The following GPATCH2L variants were observed in gnomAD, a reference collection of about 807,000 sequenced individuals.
GPATCH2L encodes the protein G patch domain-containing protein 2-like.
A neutral mutation model predicts 57.4 loss-of-function variants in GPATCH2L; 31 were observed. That is an observed-to-expected ratio of 0.54 (90% CI 0.41 to 0.73). The LOEUF (loss-of-function observed/expected upper bound fraction) is 0.73, where lower values mean the gene tolerates loss of function less well. Ranked by LOEUF, GPATCH2L falls within the 30% of genes least tolerant of loss-of-function variation. The pLI, the probability that GPATCH2L is intolerant of heterozygous loss-of-function variation, is 0.00. For synonymous variants in GPATCH2L, 199 were observed against 210.7 expected, an observed-to-expected ratio of 0.94 and a Z score of 0.48; for missense variants, 481 against 599.9, an observed-to-expected ratio of 0.80 and a Z score of 2.07.
At chr14:76,227,145 G>A (rs2040539464) in intron 1 of GPATCH2L, among the ~76,000 whole-genome samples, 2 of 152,148 alleles carry the variant, frequency 1.3e-5, no homozygotes, top group Admixed American at 1.3e-4. Flanking sequence ...GAGGGCCCAT[G>A]GCATTTTCTT....
chr14:76,163,241 A>C (rs575403963), intron 2 of GPATCH2L, among the ~76,000 whole-genome samples: 2 of 152,234 alleles, frequency 1.3e-5, no homozygotes, highest in Admixed American at 6.5e-5. Flanking sequence ...TGATGTATTC[A>C]CCTTGTGGAG....
intron 1 of GPATCH2L, among the ~76,000 whole-genome samples, chr14:76,222,349 G>A (rs1201317530): frequency 6.6e-6 from 1 of 152,212 alleles, no homozygotes; most frequent in African/African-American, 2.4e-5. Context: ...GCTCGTGCCT[G>A]TAATCCTAGT....
chr14:76,152,557 T>C (rs2038100858), intron 1 of GPATCH2L: 2 of 426,526 alleles, frequency 4.7e-6, no homozygotes, highest in African/African-American at 4.1e-5. Context: ...TTCCTGTGCG[T>C]GACTCAGCCT....
chr14:76,180,457 A>T (rs542148560), intron 7 of GPATCH2L, among the ~76,000 whole-genome samples: 4 of 152,246 alleles, frequency 2.6e-5, no homozygotes, highest in African/African-American at 9.6e-5. Flanking sequence ...ATCAGCAGGC[A>T]CAAGTTCCTG....
rs573415508 is a variant in GPATCH2L, at chr14:76,168,027, C to G, written c.727+1300C>G. ...CTGATAAGGATTCCTTAGTTTATCA[C>G]GAGAGATTATAGAATGTTCTGTACA... On this transcript the variant is annotated intron_variant, in intron 3 of 9. Coordinates refer to ENST00000261530, the MANE Select transcript of GPATCH2L (RefSeq NM_017926.4). Among the ~76,000 whole-genome samples the G allele has an allele frequency of 5.3e-5, 8 of 152,304 alleles. No homozygotes were observed. In the South Asian group the frequency reaches 1.7e-3, roughly 32 times the overall value.
At position 76,206,874 on chromosome 14, in the gene GPATCH2L, T is replaced by A. The variant is rs2040382373; in HGVS notation, c.*5023T>A. 6.6e-6 allele frequency: 1 copy of A among 152,232 alleles called. No homozygotes were observed. Among genetic ancestry groups the A allele is most frequent in the Non-Finnish European group, 1.5e-5 (1 of 68,042 alleles). 9.4% of individuals were successfully genotyped at this position (152,232 alleles called of 1,614,324 possible). A position where few individuals can be genotyped will look rare whatever the true frequency, so the allele number is the denominator to read the frequency against. ...TATTCCCTCCATAAGTAAAGAGATT[T>A]TTTTTGTATAATTCTTTGCAGAAAC... is the stretch of plus-strand genomic sequence containing the variant. On this transcript the variant is annotated 3_prime_UTR_variant, in exon 10 of 10. Transcript: ENST00000261530.
chr14:76,215,322 T>C (rs537264393), downstream of GPATCH2L, among the ~76,000 whole-genome samples: 22 of 152,238 alleles, frequency 1.4e-4, no homozygotes, highest in Admixed American at 1.4e-3. Context: ...TTGGTGGGAC[T>C]GTAAACTAGT....
chr14:76,215,356 G>A (rs1169176604), downstream of GPATCH2L, among the ~76,000 whole-genome samples: 5 of 152,060 alleles, frequency 3.3e-5, no homozygotes, highest in Non-Finnish European at 7.4e-5. Flanking sequence ...AAGTCAGTGT[G>A]GCGATTCCTC....
At chr14:76,231,307 C>T (rs1012474145) in intron 2 of GPATCH2L, among the ~76,000 whole-genome samples, 3 of 152,156 alleles carry the variant, frequency 2.0e-5, no homozygotes, top group East Asian at 1.9e-4. Flanking sequence ...TCACATCATC[C>T]GTCATCACGA....
intron 3 of GPATCH2L, among the ~76,000 whole-genome samples, chr14:76,171,503 G>T (rs1404153768): frequency 2.6e-5 from 4 of 151,932 alleles, no homozygotes; most frequent in African/African-American, 9.7e-5. Context: ...GCTTGAACCC[G>T]GGAGGGGAGG....
chr14:76,171,952 A>G lies in GPATCH2L; in HGVS notation c.837A>G (p.Arg279=). ...WAPDHCSEVE[R]MDSGLDKFSD... Reference sequence around the variant, plus strand: ...CTGATCATTGTTCTGAAGTAGAAAGAATGGATTCTGGATTGGATAAATTTT... The same window carrying G: ...CTGATCATTGTTCTGAAGTAGAAAGGATGGATTCTGGATTGGATAAATTTT... The change falls in exon 4 of 10, where the codon AGA becomes AGG. Residue 279 remains arginine (R), a synonymous_variant. Coordinates refer to ENST00000261530, the MANE Select transcript of GPATCH2L (RefSeq NM_017926.4). 6.2e-7 allele frequency: 1 copy of G among 1,612,266 alleles called. No individual in the cohort carries two copies. Among genetic ancestry groups the G allele is most frequent in the Non-Finnish European group, 8.5e-7 (1 of 1,178,534 alleles).
intron 2 of GPATCH2L, among the ~76,000 whole-genome samples, chr14:76,155,996 A>G (rs575989419): frequency 5.3e-5 from 8 of 152,292 alleles, no homozygotes; most frequent in East Asian, 1.9e-4. Flanking sequence ...TAAGCACTCA[A>G]CTATGGGCCA....
chr14:76,154,670 A>G lies in GPATCH2L; in HGVS notation c.307A>G (p.Ile103Val), dbSNP rs1462934206. 1 of 1,614,100 alleles carries G rather than the reference A, an allele frequency of 6.2e-7. No individual in the cohort carries two copies. The highest frequency in any genetic ancestry group is 8.5e-7 in the Non-Finnish European group (1 of 1,180,036). ...CAAACGACACCCAGCTCTCAATGCC[A>G]TTGTCAAGAGTAAGCAACATTCTTG... ...VAKRHPALNA[I>V]VKSKQHSWHE... Residue 103 changes from isoleucine (I) to valine (V), a missense_variant, in exon 2 of 10, where the codon ATT (isoleucine) becomes GTT (valine). Ile to Val is a conservative substitution (Grantham distance 29). Transcript: ENST00000261530. This position sits in a 1 kb window ranked among gnomAD's most constrained non-coding sequence, Gnocchi z 4.4.
At position 76,203,271 on chromosome 14, in the gene GPATCH2L, G is replaced by A. The variant is rs953926688; in HGVS notation, c.*1420G>A. ...TGGGCATGAATCTAGTTGGAAAAGGGGACTTGAAGCTAAGTTTACATGGCA... is the reference window on the plus strand; with the variant it reads ...TGGGCATGAATCTAGTTGGAAAAGGAGACTTGAAGCTAAGTTTACATGGCA... On this transcript the variant is annotated 3_prime_UTR_variant, in exon 10 of 10. Transcript: ENST00000261530. 2 of 152,138 alleles carry A rather than the reference G, an allele frequency of 1.3e-5. No individual in the cohort carries two copies. The highest frequency in any genetic ancestry group is 4.8e-5 in the African/African-American group (2 of 41,428). The allele number at this position is 152,138 out of a possible 1,614,324, so 9.4% of individuals were successfully genotyped here. A position where few individuals can be genotyped will look rare whatever the true frequency, so the allele number is the denominator to read the frequency against.
intron 4 of GPATCH2L, among the ~76,000 whole-genome samples, chr14:76,172,870 C>A (rs2039149870): frequency 6.6e-6 from 1 of 152,114 alleles, no homozygotes. Context: ...TCATGGCGAA[C>A]CAGCAGTTGG....
intron 3 of GPATCH2L, among the ~76,000 whole-genome samples, chr14:76,170,907 G>A (rs2039054037): frequency 6.6e-6 from 1 of 152,122 alleles, no homozygotes; most frequent in African/African-American, 2.4e-5. Context: ...ACTTCTCTAG[G>A]CTTTAGTTGC....
At chr14:76,193,835 C>CTA (rs1216064183) in intron 8 of GPATCH2L, among the ~76,000 whole-genome samples, 5 of 152,152 alleles carry the variant, frequency 3.3e-5, no homozygotes, top group African/African-American at 1.2e-4. Flanking sequence ...AGAAGCATGA[C>CTA]TATACACTGT....
intron 1 of GPATCH2L, among the ~76,000 whole-genome samples, chr14:76,220,880 G>T (rs117360961): frequency 0.022 from 3,374 of 152,120 alleles, 76 homozygotes; most frequent in South Asian, 0.077. Flanking sequence ...GACAATATTT[G>T]GAACTATATG....
At chr14:76,200,735 A>C (rs2040290105) in intron 9 of GPATCH2L, among the ~76,000 whole-genome samples, 1 of 152,232 alleles carries the variant, frequency 6.6e-6, no homozygotes, top group Non-Finnish European at 1.5e-5. Flanking sequence ...TTGAGTAAAA[A>C]AAGTAATGGC....
Sources: allele counts gnomAD v4.1 joint callset (sites outside exome capture counted in the v4.1 genomes callset), GRCh38; gene constraint gnomAD v4.1.1; non-coding constraint Gnocchi (gnomAD v3.1); transcripts MANE v1.5; gene names NCBI Gene and HGNC (gene_info 2026-07-23, HGNC 2026-07-21).